TNNI3K: variants seen among roughly 807,000 people sequenced by gnomAD.
TNNI3K encodes serine/threonine-protein kinase TNNI3K.
Under a neutral mutation model 114.5 loss-of-function variants are expected in TNNI3K, and 140 were observed. The observed-to-expected ratio is 1.22, with a 90% CI of 1.07 to 1.41. TNNI3K has a LOEUF of 1.41. Ranked by LOEUF, TNNI3K falls within the 40% of genes most tolerant of loss-of-function variation. TNNI3K has a pLI of 0.00. For missense variants in TNNI3K, 1,125 were observed against 1,007.6 expected, an observed-to-expected ratio of 1.12 and a Z score of -1.58; for synonymous variants, 347 against 347.5, an observed-to-expected ratio of 1.00 and a Z score of 0.02.
chr1:74,404,424 T>G (rs1445254604), intron 17 of TNNI3K, among the ~76,000 whole-genome samples: 4 of 152,162 alleles, frequency 2.6e-5, no homozygotes, highest in Admixed American at 6.6e-5. Flanking sequence ...CCCAAGAACT[T>G]GATATCTTAA....
chr1:74,239,967 G>A (rs1196172976), intron 2 of TNNI3K: 2 of 470,282 alleles, frequency 4.3e-6, no homozygotes, highest in Admixed American at 4.7e-5. Context: ...TAATGGATTG[G>A]TGACAGGAAG....
chr1:74,347,596 A>G (rs1320267749), intron 9 of TNNI3K, among the ~76,000 whole-genome samples: 1 of 152,136 alleles, frequency 6.6e-6, no homozygotes, highest in Non-Finnish European at 1.5e-5. Context: ...ACAATGGTTG[A>G]ACTAGTTTAC....
intron 5 of TNNI3K, among the ~76,000 whole-genome samples, chr1:74,303,014 TC>T (rs1390024071): frequency 6.6e-6 from 1 of 152,162 alleles, no homozygotes; most frequent in African/African-American, 2.4e-5. Context: ...AGGCTGATTC[TC>T]TTGTCAGCAA....
At chr1:74,467,377 T>G (rs78520504) in intron 21 of TNNI3K, among the ~76,000 whole-genome samples, 110 of 152,210 alleles carry the variant, frequency 7.2e-4, no homozygotes, top group Non-Finnish European at 1.2e-3. Flanking sequence ...ATTCCTTGAA[T>G]TTGAAGCACA....
chr1:74,494,068 G>T lies in TNNI3K; in HGVS notation c.2351+1802G>T, dbSNP rs114597575. The stretch of plus-strand genomic sequence containing the variant: ...GTGAGCTTCATAGATACCCTGAAGA[G>T]TGCATACTTTCCAACCCATGGAAGA... On this transcript the variant is annotated intron_variant, in intron 23 of 24. Transcript: ENST00000326637. Among the ~76,000 whole-genome samples the T allele has an allele frequency of 8.5e-4, 129 of 152,264 alleles. 1 individual carries two copies. The highest frequency in any genetic ancestry group is 3.0e-3 in the African/African-American group (125 of 41,548).
intron 6 of TNNI3K, among the ~76,000 whole-genome samples, chr1:74,333,225 T>C (rs1660304077): frequency 6.6e-6 from 1 of 152,208 alleles, no homozygotes; most frequent in Non-Finnish European, 1.5e-5. Flanking sequence ...AGCTGGCATA[T>C]GCCTGGACAC....
intron 21 of TNNI3K, chr1:74,483,155 G>C (rs1668586807): frequency 3.2e-6 from 2 of 629,476 alleles, no homozygotes. Context: ...TCATTAAAGG[G>C]TTACCTCTTA....
In TNNI3K at chr1:74,257,662, T is replaced by C. The variant is rs150922456; in HGVS notation, c.333+6893T>C. Among the ~76,000 whole-genome samples the C allele has an allele frequency of 1.0e-2, 848 of 85,152 alleles. 33 individuals carry two copies. Among genetic ancestry groups the C allele is most frequent in the South Asian group, 0.021 (50 of 2,388 alleles). The allele number at this position is 85,152 out of a possible 152,430, so 55.9% of individuals were successfully genotyped here. On this transcript the variant is annotated intron_variant, in intron 4 of 24. Coordinates refer to ENST00000326637, the MANE Select transcript of TNNI3K (RefSeq NM_015978.3). ...TTTGAACTTAGCCTCTTGGCTTACC[T>C]CTTTTTTTTTTTTTTTTTTTTTTTG... is the stretch of plus-strand genomic sequence containing the variant.
intron 5 of TNNI3K, among the ~76,000 whole-genome samples, chr1:74,313,260 C>T (rs982191096): frequency 7.9e-5 from 12 of 152,150 alleles, no homozygotes; most frequent in African/African-American, 2.2e-4. Context: ...TTATCTCTAC[C>T]GTTCTTCTCT....
chr1:74,525,823 C>T (rs925750697), intron 23 of TNNI3K, among the ~76,000 whole-genome samples: 1 of 152,110 alleles, frequency 6.6e-6, no homozygotes, highest in Non-Finnish European at 1.5e-5. Flanking sequence ...CTGGGTTGCC[C>T]CAGGATTCAA....
chr1:74,474,561 A>G (rs1557590287), intron 21 of TNNI3K, among the ~76,000 whole-genome samples: 4 of 152,178 alleles, frequency 2.6e-5, no homozygotes, highest in Non-Finnish European at 5.9e-5. Context: ...TTGTGAACCA[A>G]TTCAAATAAA....
At chr1:74,256,632 T>G (rs1655330988) in intron 4 of TNNI3K, among the ~76,000 whole-genome samples, 1 of 152,230 alleles carries the variant, frequency 6.6e-6, no homozygotes, top group Middle Eastern at 3.4e-3. Context: ...TTTTTAAACT[T>G]ATGACTGTAG....
At chr1:74,441,666 ATATAT>A (rs1666379975) in intron 20 of TNNI3K, among the ~76,000 whole-genome samples, 2 of 152,124 alleles carry the variant, frequency 1.3e-5, no homozygotes, top group African/African-American at 4.8e-5. Flanking sequence ...TTATTTTTAA[ATATAT>A]ATGTATATAT....
intron 4 of TNNI3K, among the ~76,000 whole-genome samples, chr1:74,265,591 C>G (rs1557460749): frequency 6.6e-6 from 1 of 151,796 alleles, no homozygotes; most frequent in Non-Finnish European, 1.5e-5. Flanking sequence ...GCTCATGATT[C>G]TATAATATAT....
At chr1:74,414,134 A>G (rs1274686303) in intron 17 of TNNI3K, among the ~76,000 whole-genome samples, 1 of 152,194 alleles carries the variant, frequency 6.6e-6, no homozygotes, top group African/African-American at 2.4e-5. Flanking sequence ...TGGCATCTGA[A>G]TTAATCACGG....
In TNNI3K at chr1:74,415,342, T is replaced by G. The variant is rs550078302; in HGVS notation, c.1773-20738T>G. 3.1e-3 allele frequency among the ~76,000 whole-genome samples: 472 copies of G among 152,256 alleles called. 1 individual carries two copies. The highest frequency in any genetic ancestry group is 5.5e-3 in the Non-Finnish European group (375 of 68,014). ...TTTTTCTACACATAGCTTACATCTC[T>G]CTGACCCATCATTCATTTATTTGTT... On this transcript the variant is annotated intron_variant, in intron 17 of 24. Coordinates refer to ENST00000326637, the MANE Select transcript of TNNI3K (RefSeq NM_015978.3).
Position 74,353,985 on chromosome 1 carries a change from C to A in TNNI3K, c.1033C>A (p.His345Asn). ...HQGRDGHTGLHSACYHGHIRL... is the reference protein window; with the variant it reads ...HQGRDGHTGLNSACYHGHIRL... ...TCAATTCTTTTCTATTACAGGATTA[C>A]ACTCTGCTTGCTACCACGGTCACAT... is the stretch of plus-strand genomic sequence containing the variant. Residue 345 changes from histidine (H) to asparagine (N), a missense_variant, in exon 11 of 25, where the codon CAC (histidine) becomes AAC (asparagine). By Grantham distance (68) the His-to-Asn change is moderately conservative. Coordinates refer to ENST00000326637, the MANE Select transcript of TNNI3K (RefSeq NM_015978.3). 1 of 1,613,084 alleles carries A rather than the reference C, an allele frequency of 6.2e-7. No homozygotes were observed. Among genetic ancestry groups the A allele is most frequent in the Non-Finnish European group, 8.5e-7 (1 of 1,179,666 alleles).
At chr1:74,538,358 TG>T (rs908798513) in intron 23 of TNNI3K, among the ~76,000 whole-genome samples, 2 of 152,006 alleles carry the variant, frequency 1.3e-5, no homozygotes, top group African/African-American at 4.8e-5. Context: ...ATTGAATGAC[TG>T]GGGGGTAGAA....
At chr1:74,467,390 A>G (rs1570657758) in intron 21 of TNNI3K, among the ~76,000 whole-genome samples, 1 of 152,116 alleles carries the variant, frequency 6.6e-6, no homozygotes, top group East Asian at 1.9e-4. Context: ...GAAGCACAGT[A>G]TTTTCTCCAG....
Sources: gnomAD v4.1 joint callset for allele counts (sites outside exome capture counted in the v4.1 genomes callset) on GRCh38, gnomAD v4.1.1 for gene constraint, MANE v1.5 for transcripts, NCBI Gene and HGNC (gene_info 2026-07-23, HGNC 2026-07-21) for gene names.